The following TP63 variants were observed in gnomAD, a reference collection of about 807,000 sequenced individuals.
The protein encoded by TP63 is tumor protein 63.
TP63 carries 17 observed loss-of-function variants against 82.8 expected under a neutral mutation model. The observed-to-expected ratio is 0.21, with a 90% CI of 0.14 to 0.31. TP63 has a LOEUF of 0.31. TP63 is among the 10% of genes least tolerant of loss of function. The pLI, the probability that TP63 is intolerant of heterozygous loss-of-function variation, is 1.00. For missense variants in TP63, 648 were observed against 895.3 expected, an observed-to-expected ratio of 0.72 and a Z score of 3.52; for synonymous variants, 330 against 321.7, an observed-to-expected ratio of 1.03 and a Z score of -0.28.
chr3:189,657,905 C>G (rs9830662), intron 1 of TP63, among the ~76,000 whole-genome samples: 1 of 151,768 alleles, frequency 6.6e-6, no homozygotes, highest in Non-Finnish European at 1.5e-5. Context: ...AGGACTGGTA[C>G]AGAAGCAAGG....
upstream of TP63, among the ~76,000 whole-genome samples, chr3:189,630,302 T>TTTC (rs763650965): frequency 6.6e-6 from 1 of 152,142 alleles, no homozygotes; most frequent in Non-Finnish European, 1.5e-5. Context: ...AGTGGTTTTT[T>TTTC]TTCCCCCTGT....
At chr3:189,643,067 T>C (rs1712059132) in intron 1 of TP63, among the ~76,000 whole-genome samples, 1 of 151,982 alleles carries the variant, frequency 6.6e-6, no homozygotes, top group African/African-American at 2.4e-5. Context: ...AATGGCGCAA[T>C]CTCAGCTCAC....
intron 3 of TP63, among the ~76,000 whole-genome samples, chr3:189,800,417 G>A (rs1342130216): frequency 6.7e-6 from 1 of 149,340 alleles, no homozygotes; most frequent in African/African-American, 2.5e-5. Context: ...CTGACCCTTT[G>A]CAATTATACC....
At chr3:189,789,554 G>A in intron 3 of TP63, 1 of 708,118 alleles carries the variant, frequency 1.4e-6, no homozygotes, top group Non-Finnish European at 2.0e-6. Context: ...CTCCATTGGA[G>A]TGGAGGAGTC....
chr3:189,757,189 T>C (rs1722248610), intron 3 of TP63, among the ~76,000 whole-genome samples: 1 of 152,240 alleles, frequency 6.6e-6, no homozygotes. Flanking sequence ...TCATCAGTGG[T>C]GACTTCTCCA....
chr3:189,876,115 C>T (rs978791801), intron 10 of TP63, among the ~76,000 whole-genome samples: 2 of 152,108 alleles, frequency 1.3e-5, no homozygotes, highest in Non-Finnish European at 2.9e-5. Flanking sequence ...GGAAATTTAT[C>T]CTCAGCATTG....
chr3:189,671,134 G>A (rs189333441), intron 1 of TP63, among the ~76,000 whole-genome samples: 12 of 152,018 alleles, frequency 7.9e-5, no homozygotes, highest in African/African-American at 2.2e-4. Context: ...GTATACATCC[G>A]ATAAATGATT....
chr3:189,671,985 G>T (rs186289212), intron 1 of TP63, among the ~76,000 whole-genome samples: 1 of 152,040 alleles, frequency 6.6e-6, no homozygotes, highest in African/African-American at 2.4e-5. Flanking sequence ...AGCACTATAG[G>T]GTGAATATAG....
chr3:189,779,153 T>C (rs1387551940), intron 3 of TP63, among the ~76,000 whole-genome samples: 1 of 152,230 alleles, frequency 6.6e-6, no homozygotes, highest in East Asian at 1.9e-4. Flanking sequence ...AACATATATA[T>C]TAACACTAAA....
At chr3:189,889,597 G>A (rs1472354282) in intron 12 of TP63, 113 bp downstream of exon 12, 8 of 1,449,274 alleles carry the variant, frequency 5.5e-6, no homozygotes, top group Non-Finnish European at 7.7e-6. Context: ...CAGTCCTGTG[G>A]TTGGAGTTCA....
intron 4 of TP63, among the ~76,000 whole-genome samples, chr3:189,813,882 G>T (rs2108652821): frequency 6.6e-6 from 1 of 152,268 alleles, no homozygotes; most frequent in Admixed American, 6.5e-5. Context: ...CCGTGAATTT[G>T]TTCCCTGTAG....
intron 1 of TP63, among the ~76,000 whole-genome samples, chr3:189,637,271 G>A (rs913341217): frequency 6.6e-6 from 1 of 151,996 alleles, no homozygotes; most frequent in South Asian, 2.1e-4. Context: ...TCTCATCAGC[G>A]TTATATGGAA....
intron 3 of TP63, among the ~76,000 whole-genome samples, chr3:189,786,671 AG>A (rs1233951896): frequency 6.6e-6 from 1 of 151,998 alleles, no homozygotes; most frequent in Non-Finnish European, 1.5e-5. Context: ...ATTTTTACCC[AG>A]GGGGCAGCGT....
rs563467749 is a variant in TP63, at chr3:189,808,075, G to A, written c.325-197G>A. On this transcript the variant is annotated intron_variant, in intron 3 of 13. Coordinates refer to ENST00000264731, the MANE Select transcript of TP63 (RefSeq NM_003722.5). ...ACATAGAGCTGAGTGATCTGGAAAAGCCGTTACAAACACACACATGCTCAG... is the reference window on the plus strand; with the variant it reads ...ACATAGAGCTGAGTGATCTGGAAAAACCGTTACAAACACACACATGCTCAG... 4.6e-5 allele frequency among the ~76,000 whole-genome samples: 7 copies of A among 152,302 alleles called. No individual in the cohort carries two copies. In the East Asian group the frequency reaches 1.2e-3, roughly 25 times the overall value.
chr3:189,837,219 C>T (rs1393802144), intron 4 of TP63, among the ~76,000 whole-genome samples: 61 of 120,530 alleles, frequency 5.1e-4, no homozygotes, highest in Admixed American at 1.1e-3. Flanking sequence ...TTTTTTTTTT[C>T]TCTCTCTCTC....
At chr3:189,862,162 A>G (rs1020003766) in intron 4 of TP63, among the ~76,000 whole-genome samples, 1 of 152,102 alleles carries the variant, frequency 6.6e-6, no homozygotes, top group Non-Finnish European at 1.5e-5. Context: ...GCAAACTACT[A>G]TTTTTCTAAA....
At chr3:189,615,472 A>G in the TP63 span, among the ~76,000 whole-genome samples, 3 of 152,192 alleles carry the variant, frequency 2.0e-5, no homozygotes, top group African/African-American at 7.2e-5. Context: ...CACGCATCAC[A>G]TTAACATAAT....
At chr3:189,736,381 A>T (rs1720596692) in intron 1 of TP63, among the ~76,000 whole-genome samples, 1 of 151,960 alleles carries the variant, frequency 6.6e-6, no homozygotes, top group Admixed American at 6.6e-5. Flanking sequence ...ATTTTCCATT[A>T]TAGTGTTTTG....
intron 10 of TP63, among the ~76,000 whole-genome samples, chr3:189,876,920 A>T (rs1288774105): frequency 6.6e-6 from 1 of 152,200 alleles, no homozygotes; most frequent in Non-Finnish European, 1.5e-5. Flanking sequence ...CTGGTAAGGA[A>T]TCAATTTTGT....
Sources: allele counts gnomAD v4.1 joint callset (sites outside exome capture counted in the v4.1 genomes callset), GRCh38; gene constraint gnomAD v4.1.1; transcripts MANE v1.5; gene names NCBI Gene and HGNC (gene_info 2026-07-23, HGNC 2026-07-21).